DNAJC19: variants seen among roughly 807,000 people sequenced by gnomAD.
DNAJC19 encodes mitochondrial import inner membrane translocase subunit TIM14.
DNAJC19 carries 15 observed loss-of-function variants against 19.8 expected under a neutral mutation model. The ratio of observed to expected loss-of-function variants is 0.76; its 90% CI spans 0.51 to 1.17. The LOEUF is 1.17. Among genes scored for constraint, DNAJC19 ranks in the 50% most tolerant of loss-of-function variants. The pLI is 0.00. For synonymous variants in DNAJC19, 38 were observed against 42.1 expected, an observed-to-expected ratio of 0.90 and a Z score of 0.38; for missense variants, 105 against 140.9, an observed-to-expected ratio of 0.75 and a Z score of 1.29.
At chr3:180,988,265 T>C (rs1651356152) in intron 1 of DNAJC19, 36 bp from the exon 2 acceptor site, 2 of 1,612,452 alleles carry the variant, frequency 1.2e-6, no homozygotes, top group Non-Finnish European at 8.5e-7. Context: ...TTTACTTCTC[T>C]AATTCCCACC....
At chr3:180,987,931 C>G (rs1714991611) in intron 3 of DNAJC19, 92 bp downstream of exon 3, 1 of 1,483,454 alleles carries the variant, frequency 6.7e-7, no homozygotes, top group Non-Finnish European at 9.4e-7. Context: ...AAAGCAATCA[C>G]TTAGAACTTC....
In DNAJC19 at chr3:180,984,477, A is replaced by T; in HGVS notation, c.*163T>A. ...CGCAAATATTCTAAACTATAATCTG[A>T]TTTAAAATCCCCAAATTTAAACAAG... On this transcript the variant is annotated 3_prime_UTR_variant, in exon 6 of 6. Coordinates refer to ENST00000382564, the MANE Select transcript of DNAJC19 (RefSeq NM_145261.4). 1 of 654,060 alleles carries T rather than the reference A, an allele frequency of 1.5e-6. No homozygotes were observed. Among genetic ancestry groups the T allele is most frequent in the Non-Finnish European group, 2.9e-6 (1 of 350,500 alleles). The allele number at this position is 654,060 out of a possible 1,614,324, so 40.5% of individuals were successfully genotyped here. A position where few individuals can be genotyped will look rare whatever the true frequency, so the allele number is the denominator to read the frequency against.
intron 4 of DNAJC19, among the ~76,000 whole-genome samples, chr3:180,986,237 G>C (rs1391030362): frequency 6.6e-6 from 1 of 151,294 alleles, no homozygotes; most frequent in Non-Finnish European, 1.5e-5. Context: ...TCCTTTTATT[G>C]ATAAGAAACG....
chr3:180,989,137 CT>C (rs2108510697), intron 1 of DNAJC19, among the ~76,000 whole-genome samples: 1 of 152,244 alleles, frequency 6.6e-6, no homozygotes, highest in South Asian at 2.1e-4. Context: ...AGACTAATAC[CT>C]TTGGCACTGC....
In DNAJC19 at chr3:180,984,422, C is replaced by T; in HGVS notation, c.*218G>A. On this transcript the variant is annotated 3_prime_UTR_variant, in exon 6 of 6. Coordinates refer to ENST00000382564, the MANE Select transcript of DNAJC19 (RefSeq NM_145261.4). ...ATGAGTAATGAACAATATTTCTATT[C>T]AGAAGGTGTGTGCTTGCCCATAATT... 1 of 570,098 alleles carries T rather than the reference C, an allele frequency of 1.8e-6. No homozygotes were observed. Among genetic ancestry groups the T allele is most frequent in the South Asian group, 1.5e-5 (1 of 65,416 alleles). The allele number at this position is 570,098 out of a possible 1,614,324, so 35.3% of individuals were successfully genotyped here. A position where few individuals can be genotyped will look rare whatever the true frequency, so the allele number is the denominator to read the frequency against.
chr3:180,988,374 A>C (rs1380614168), intron 1 of DNAJC19, 145 bp from the exon 2 acceptor site: 5 of 877,800 alleles, frequency 5.7e-6, no homozygotes, highest in Non-Finnish European at 8.5e-6. Flanking sequence ...TTTTTTTTTA[A>C]GAGACGGAGT....
At chr3:180,987,168 T>G in intron 3 of DNAJC19, 146 bp from the exon 4 acceptor site, 1 of 700,936 alleles carries the variant, frequency 1.4e-6, no homozygotes, top group Admixed American at 2.6e-5. Flanking sequence ...TAGCTAAAGC[T>G]GAATAAAGTT....
chr3:180,985,296 A>G (rs1714843666), intron 5 of DNAJC19: 1 of 153,932 alleles, frequency 6.5e-6, no homozygotes, highest in Non-Finnish European at 1.4e-5. Flanking sequence ...TTTAGTATAA[A>G]TGCATATTTA....
intron 3 of DNAJC19, chr3:180,987,264 T>A: frequency 1.9e-6 from 1 of 518,790 alleles, no homozygotes; most frequent in Non-Finnish European, 3.4e-6. Context: ...CTTAGAAATA[T>A]AAGACAAAAT....
At chr3:180,989,538 C>CG in intron 1 of DNAJC19, 62 bp downstream of exon 1, 1 of 1,557,610 alleles carries the variant, frequency 6.4e-7, no homozygotes, top group Admixed American at 1.9e-5. Flanking sequence ...ACCTCCGAGG[C>CG]GGGGAGCTGA....
chr3:180,985,693 C>A (rs930563688), intron 5 of DNAJC19: 7 of 484,476 alleles, frequency 1.4e-5, no homozygotes, highest in African/African-American at 1.4e-4. Context: ...TAAATGTAGG[C>A]CAGAAAAACC....
Position 180,985,964 on chromosome 3 carries a change from G to A in DNAJC19, c.242C>T (p.Ala81Val). The A allele has an allele frequency of 6.2e-7, 1 of 1,613,434 alleles. No homozygotes were observed. Among genetic ancestry groups the A allele is most frequent in the Non-Finnish European group, 8.5e-7 (1 of 1,179,794 alleles). The change falls in exon 5 of 6, where the codon GCT becomes GTT. Residue 81 changes from alanine to valine, a missense_variant. By Grantham distance (64) the Ala-to-Val change is moderately conservative. Coordinates refer to ENST00000382564, the MANE Select transcript of DNAJC19 (RefSeq NM_145261.4). The part of the protein sequence containing the change: ...PTANKGKIRD[A>V]HRRIMLLNHP... ...ATTTAAAAGCATAATTCGTCGATGA[G>A]CATCTCTTATTTTCCCTTTATTGGC...
intron 5 of DNAJC19, 92 bp from the exon 6 acceptor site, chr3:180,984,802 TATCTG>T (rs1157915695): frequency 2.3e-6 from 2 of 856,084 alleles, no homozygotes; most frequent in Non-Finnish European, 3.7e-6. Context: ...CTCCAATGCT[TATCTG>T]AGGGAGATTT....
intron 3 of DNAJC19, chr3:180,987,557 A>G: frequency 3.8e-6 from 1 of 264,370 alleles, no homozygotes; most frequent in South Asian, 4.5e-5. Context: ...AGCCAAATCT[A>G]TTCTTAACTG....
chr3:180,986,766 T>A (rs1390102543), intron 4 of DNAJC19, 177 bp downstream of exon 4: 1 of 618,558 alleles, frequency 1.6e-6, no homozygotes, highest in Non-Finnish European at 2.9e-6. Context: ...ATTGTTTACA[T>A]CTTAAAAATA....
intron 5 of DNAJC19, 135 bp downstream of exon 5, chr3:180,985,791 T>C (rs1393728312): frequency 1.3e-6 from 1 of 754,776 alleles, no homozygotes; most frequent in Non-Finnish European, 2.2e-6. Flanking sequence ...CAAAAATATA[T>C]GGCTCCAGCC....
chr3:180,986,924 A>G lies in DNAJC19; in HGVS notation c.209+19T>C. 1 of 1,604,852 alleles carries G rather than the reference A, an allele frequency of 6.2e-7. No individual in the cohort carries two copies. Among genetic ancestry groups the G allele is most frequent in the Non-Finnish European group, 8.5e-7 (1 of 1,171,956 alleles). ...CTACAGTGGTAGAAAAATGCTAAAA[A>G]TATTAGAGATTATTTTACCTTACAC... On this transcript the variant is annotated intron_variant, in intron 4 of 5. Coordinates refer to ENST00000382564, the MANE Select transcript of DNAJC19 (RefSeq NM_145261.4).
intron 4 of DNAJC19, among the ~76,000 whole-genome samples, chr3:180,986,322 C>G (rs534383435): frequency 2.0e-5 from 3 of 151,716 alleles, no homozygotes; most frequent in Admixed American, 2.0e-4. Context: ...CACTCTGTCC[C>G]CTAGGCTGGA....
chr3:180,986,580 T>C (rs562754126), intron 4 of DNAJC19: 2 of 214,376 alleles, frequency 9.3e-6, no homozygotes, highest in East Asian at 1.1e-4. Flanking sequence ...CCGCGCCCGG[T>C]TGAAGGCAGA....
Sources: allele counts gnomAD v4.1 joint callset (sites outside exome capture counted in the v4.1 genomes callset), GRCh38; gene constraint gnomAD v4.1.1; transcripts MANE v1.5; gene names NCBI Gene and HGNC (gene_info 2026-07-23, HGNC 2026-07-21).